The following GPR158 variants were observed in gnomAD, a reference collection of about 807,000 sequenced individuals.
GPR158 encodes the protein G protein-coupled receptor 158.
Under a neutral mutation model 78.2 loss-of-function variants are expected in GPR158, and 30 were observed. The observed-to-expected ratio is 0.38, with a 90% CI of 0.29 to 0.52. The LOEUF (loss-of-function observed/expected upper bound fraction) is 0.52. Among genes scored for constraint, GPR158 ranks in the 20% least tolerant of loss-of-function variants. The pLI, the probability that GPR158 is intolerant of heterozygous loss-of-function variation, is 0.83. For missense variants in GPR158, 1,463 were observed against 1,523.5 expected, an observed-to-expected ratio of 0.96 and a Z score of 0.66; for synonymous variants, 581 against 591.1, an observed-to-expected ratio of 0.98 and a Z score of 0.25.
At chr10:25,177,374 C>T (rs2130623461) in intron 1 of GPR158, among the ~76,000 whole-genome samples, 1 of 152,238 alleles carries the variant, frequency 6.6e-6, no homozygotes, top group South Asian at 2.1e-4. Flanking sequence ...TTCCCTTAGT[C>T]CCATGAGGGA....
chr10:25,594,511 T>C, intron 9 of GPR158, 114 bp downstream of exon 9: 2 of 504,236 alleles, frequency 4.0e-6, no homozygotes, highest in Non-Finnish European at 7.0e-6. Context: ...TAAAAGAGTT[T>C]TAAAGCTCCC....
chr10:25,257,074 T>A (rs1337902388), intron 2 of GPR158, among the ~76,000 whole-genome samples: 1 of 152,178 alleles, frequency 6.6e-6, no homozygotes, highest in Non-Finnish European at 1.5e-5. Flanking sequence ...AAAACAAGTT[T>A]ATTTGGCTCA....
At chr10:25,575,230 T>C (rs1297904599) in intron 7 of GPR158, among the ~76,000 whole-genome samples, 1 of 152,200 alleles carries the variant, frequency 6.6e-6, no homozygotes, top group Non-Finnish European at 1.5e-5. Flanking sequence ...TAATACTGTA[T>C]GGTTAAGTTT....
chr10:25,514,307 A>C (rs1836130954), intron 5 of GPR158, among the ~76,000 whole-genome samples: 1 of 152,126 alleles, frequency 6.6e-6, no homozygotes, highest in Non-Finnish European at 1.5e-5. Flanking sequence ...GTTTTGTCAG[A>C]AATAAGAGTA....
intron 8 of GPR158, among the ~76,000 whole-genome samples, chr10:25,593,631 C>T (rs184260843): frequency 2.6e-4 from 40 of 152,012 alleles, no homozygotes; most frequent in African/African-American, 9.4e-4. Flanking sequence ...TTGAATTTCT[C>T]CTCACCATTT....
chr10:25,215,774 G>T (rs1036838360), intron 1 of GPR158, among the ~76,000 whole-genome samples: 3 of 152,218 alleles, frequency 2.0e-5, no homozygotes, highest in Non-Finnish European at 4.4e-5. Context: ...GGTGGAGGTT[G>T]CAGTGGGCTG....
intron 1 of GPR158, among the ~76,000 whole-genome samples, chr10:25,208,038 A>G (rs1853069420): frequency 1.3e-5 from 2 of 152,218 alleles, no homozygotes; most frequent in African/African-American, 4.8e-5. Flanking sequence ...TTCTTTGAAA[A>G]CTGGAACGAC....
At chr10:25,384,550 T>A (rs1834197113) in intron 2 of GPR158, among the ~76,000 whole-genome samples, 1 of 152,194 alleles carries the variant, frequency 6.6e-6, no homozygotes, top group Non-Finnish European at 1.5e-5. Flanking sequence ...ACAAAAATTT[T>A]AAAAAGGCAT....
chr10:25,290,643 T>C (rs1854421778), intron 2 of GPR158, among the ~76,000 whole-genome samples: 1 of 152,192 alleles, frequency 6.6e-6, no homozygotes, highest in African/African-American at 2.4e-5. Flanking sequence ...AAATGTTAGA[T>C]AATCAGGTGA....
intron 2 of GPR158, among the ~76,000 whole-genome samples, chr10:25,378,388 A>T (rs1000484922): frequency 1.4e-5 from 2 of 138,512 alleles, no homozygotes; most frequent in Non-Finnish European, 3.2e-5. Context: ...GAAAAACTAC[A>T]TAACAATGAT....
intron 5 of GPR158, among the ~76,000 whole-genome samples, chr10:25,547,644 C>T (rs1836679782): frequency 6.6e-6 from 1 of 152,126 alleles, no homozygotes; most frequent in Non-Finnish European, 1.5e-5. Flanking sequence ...CATCACCTCC[C>T]CCACACAGCA....
At chr10:25,552,297 A>G (rs1001114390) in intron 6 of GPR158, among the ~76,000 whole-genome samples, 5 of 152,136 alleles carry the variant, frequency 3.3e-5, no homozygotes, top group African/African-American at 1.2e-4. Context: ...ATCACAGCAC[A>G]CTTCCCTCCG....
chr10:25,297,816 G>C (rs191722818), intron 2 of GPR158, among the ~76,000 whole-genome samples: 1 of 152,138 alleles, frequency 6.6e-6, no homozygotes, highest in Non-Finnish European at 1.5e-5. Flanking sequence ...AATCACTTTA[G>C]ATGAGCAAGG....
chr10:25,399,183 C>T (rs1268263110), intron 3 of GPR158, among the ~76,000 whole-genome samples: 3 of 151,920 alleles, frequency 2.0e-5, no homozygotes, highest in African/African-American at 7.3e-5. Context: ...CTTATAAAAC[C>T]ATCAGATGTC....
intron 9 of GPR158, 110 bp from the exon 10 acceptor site, chr10:25,596,533 C>T: frequency 1.4e-6 from 1 of 694,392 alleles, no homozygotes; most frequent in Non-Finnish European, 2.5e-6. Context: ...ATAGATAGAT[C>T]TAGGTATAGA....
In GPR158 at chr10:25,289,508, C is replaced by CT. The variant is rs1365244707; in HGVS notation, c.1008+68352dup. On this transcript the variant is annotated intron_variant, in intron 2 of 10. Transcript: ENST00000376351. ...AGTGCAGTGGCGCCATCTCGGCTCA[C>CT]TACAAGCTCTGCCTCCTGGGTTCAC... Among the ~76,000 whole-genome samples, 14 of 152,222 alleles carry CT rather than the reference C, an allele frequency of 9.2e-5. 1 individual carries two copies. Among genetic ancestry groups the CT allele is most frequent in the African/African-American group, 3.4e-4 (14 of 41,530 alleles).
intron 2 of GPR158, among the ~76,000 whole-genome samples, chr10:25,272,502 A>G (rs1854130692): frequency 6.6e-6 from 1 of 151,836 alleles, no homozygotes; most frequent in African/African-American, 2.4e-5. Context: ...ACAAGACCCC[A>G]CCTCTTGTTT....
At chr10:25,442,820 C>A (rs370124211) in intron 4 of GPR158, among the ~76,000 whole-genome samples, 4 of 152,096 alleles carry the variant, frequency 2.6e-5, no homozygotes, top group African/African-American at 9.7e-5. Flanking sequence ...GTCCAAGATA[C>A]TGTCATTTCT....
chr10:25,575,106 A>G (rs1409745182), intron 7 of GPR158, among the ~76,000 whole-genome samples: 4 of 152,036 alleles, frequency 2.6e-5, no homozygotes, highest in Non-Finnish European at 5.9e-5. Context: ...AGTGGGTGGA[A>G]ATTGTATGAA....
Sources: allele counts gnomAD v4.1 joint callset (sites outside exome capture counted in the v4.1 genomes callset), GRCh38; gene constraint gnomAD v4.1.1; transcripts MANE v1.5; gene names NCBI Gene and HGNC (gene_info 2026-07-23, HGNC 2026-07-21).